The following MLLT10 variants were observed in gnomAD, a reference collection of about 807,000 sequenced individuals.
The protein encoded by MLLT10 is MLLT10 histone lysine methyltransferase DOT1L cofactor.
MLLT10 carries 30 observed loss-of-function variants against 129.1 expected under a neutral mutation model. The observed-to-expected ratio is 0.23, with a 90% CI of 0.17 to 0.32. MLLT10 has a LOEUF of 0.32. Ranked by LOEUF, MLLT10 falls within the 10% of genes least tolerant of loss-of-function variation. The pLI, the probability that MLLT10 is intolerant of heterozygous loss-of-function variation, is 1.00. For missense variants in MLLT10, 1,119 were observed against 1,268.3 expected, an observed-to-expected ratio of 0.88 and a Z score of 1.79; for synonymous variants, 490 against 446.4, an observed-to-expected ratio of 1.10 and a Z score of -1.23.
At chr10:21,660,085 T>C (rs2131344912) in intron 9 of MLLT10, among the ~76,000 whole-genome samples, 1 of 152,110 alleles carries the variant, frequency 6.6e-6, no homozygotes, top group East Asian at 2.0e-4. Flanking sequence ...CACCTCAGCC[T>C]CCTGATCAGC....
At chr10:21,653,693 G>C (rs1392902135) in intron 9 of MLLT10, among the ~76,000 whole-genome samples, 1 of 152,162 alleles carries the variant, frequency 6.6e-6, no homozygotes, top group African/African-American at 2.4e-5. Context: ...TCTTGGTTGA[G>C]GGGTGCTATC....
At chr10:21,577,409 A>G (rs1391269182) in intron 3 of MLLT10, among the ~76,000 whole-genome samples, 1 of 151,800 alleles carries the variant, frequency 6.6e-6, no homozygotes, top group Non-Finnish European at 1.5e-5. Context: ...TTTAATCTTG[A>G]AAAACTGACA....
chr10:21,673,301 T>TCGC, intron 10 of MLLT10, 49 bp from the exon 11 acceptor site: 1 of 237,940 alleles, frequency 4.2e-6, no homozygotes, highest in Non-Finnish European at 6.5e-6. Flanking sequence ...AATTTTTCTG[T>TCGC]CCCCCCCACC....
chr10:21,548,729 A>G (rs752115652), intron 3 of MLLT10, among the ~76,000 whole-genome samples: 3 of 152,036 alleles, frequency 2.0e-5, no homozygotes, highest in Non-Finnish European at 1.5e-5. Flanking sequence ...ATTTATGCTT[A>G]TTTTTAATTC....
chr10:21,534,902 C>G (rs2033555807), intron 2 of MLLT10, 98 bp downstream of exon 2: 1 of 893,918 alleles, frequency 1.1e-6, no homozygotes, highest in Non-Finnish European at 1.3e-6. Context: ...CGCCCCGTGC[C>G]GCGGCCGCGG....
intron 9 of MLLT10, among the ~76,000 whole-genome samples, chr10:21,652,531 A>G (rs1381251390): frequency 6.6e-6 from 1 of 152,230 alleles, no homozygotes; most frequent in Non-Finnish European, 1.5e-5. Context: ...ATTAAGTAGT[A>G]TTAGGATTAT....
chr10:21,562,256 C>G (rs1399222214), intron 3 of MLLT10, among the ~76,000 whole-genome samples: 3 of 151,544 alleles, frequency 2.0e-5, no homozygotes, highest in African/African-American at 7.3e-5. Flanking sequence ...TTTTTTATTT[C>G]TGCCAAAAAC....
intron 13 of MLLT10, among the ~76,000 whole-genome samples, chr10:21,704,104 G>C (rs2055224938): frequency 7.7e-6 from 1 of 129,454 alleles, no homozygotes; most frequent in Non-Finnish European, 1.6e-5. Flanking sequence ...CTGCCCCCTA[G>C]GTTCAAGTGA....
chr10:21,725,279 T>G (rs1198016235), intron 14 of MLLT10, among the ~76,000 whole-genome samples: 1 of 152,198 alleles, frequency 6.6e-6, no homozygotes, highest in Non-Finnish European at 1.5e-5. Flanking sequence ...GTCTTCCTGC[T>G]TTTATGTTTC....
At chr10:21,717,253 C>T (rs201586219) in intron 14 of MLLT10, among the ~76,000 whole-genome samples, 2 of 63,558 alleles carry the variant, frequency 3.1e-5, no homozygotes, top group Admixed American at 2.2e-4. Context: ...AACTCCGTCT[C>T]AAAAAAAAAA....
chr10:21,741,091 T>C (rs1175328610), intron 22 of MLLT10, among the ~76,000 whole-genome samples: 1 of 152,208 alleles, frequency 6.6e-6, no homozygotes, highest in Non-Finnish European at 1.5e-5. Flanking sequence ...GAAACTTTAG[T>C]TTGTACTTAG....
At chr10:21,673,019 T>G (rs924947674) in intron 10 of MLLT10, among the ~76,000 whole-genome samples, 2 of 152,106 alleles carry the variant, frequency 1.3e-5, no homozygotes. Flanking sequence ...ATACATGAGG[T>G]GTTTGGGGGA....
chr10:21,546,923 A>G (rs1018439183), intron 3 of MLLT10, among the ~76,000 whole-genome samples: 2 of 152,028 alleles, frequency 1.3e-5, no homozygotes, highest in Admixed American at 1.3e-4. Flanking sequence ...GGGTTTCTCC[A>G]TGTTGGTCAG....
In MLLT10 at chr10:21,743,300, A is replaced by C; in HGVS notation, c.*1317A>C. On this transcript the variant is annotated 3_prime_UTR_variant, in exon 23 of 23. Coordinates refer to ENST00000307729, the MANE Select transcript of MLLT10 (RefSeq NM_001195626.3). ...CACAGTTCTTACCTCATTTCTGTAA[A>C]TAAAGTTTTGTGAATCTGTTTTGTA... The C allele has an allele frequency of 4.5e-6, 1 of 224,332 alleles. No individual in the cohort carries two copies. The highest frequency in any genetic ancestry group is 8.9e-6 in the Non-Finnish European group (1 of 112,244). The allele number at this position is 224,332 out of a possible 1,614,324, so 13.9% of individuals were successfully genotyped here.
chr10:21,741,441 C>T (rs1833604371), intron 22 of MLLT10, among the ~76,000 whole-genome samples: 1 of 152,170 alleles, frequency 6.6e-6, no homozygotes, highest in African/African-American at 2.4e-5. Flanking sequence ...GTGCTGTTTG[C>T]TTAGTACCCT....
chr10:21,614,050 A>G (rs2044967135), intron 6 of MLLT10, among the ~76,000 whole-genome samples: 2 of 151,762 alleles, frequency 1.3e-5, no homozygotes, highest in Non-Finnish European at 2.9e-5. Flanking sequence ...CCTCATCTCT[A>G]CTAAAAATAA....
Position 21,708,587 on chromosome 10 carries a change from G to A in MLLT10, c.1700-5185G>A, listed in dbSNP as rs2055766783. ...TTGTGTGTGTGTTTTTTTTTTACCA[G>A]TAAACTGAGTACCAGATATTGTTTC... On this transcript the variant is annotated intron_variant, in intron 13 of 22. Transcript: ENST00000307729. 8.1e-6 allele frequency: 8 copies of A among 984,704 alleles called. No homozygotes were observed. In the South Asian group the frequency reaches 3.8e-4, roughly 46 times the overall value. The allele number at this position is 984,704 out of a possible 1,614,324, so 61.0% of individuals were successfully genotyped here. A position where few individuals can be genotyped will look rare whatever the true frequency, so the allele number is the denominator to read the frequency against.
chr10:21,668,730 GTGTTC>G (rs2051097841), intron 9 of MLLT10, among the ~76,000 whole-genome samples: 1 of 152,026 alleles, frequency 6.6e-6, no homozygotes, highest in South Asian at 2.1e-4. Flanking sequence ...TTGATCAAGG[GTGTTC>G]TGTTAAATAA....
chr10:21,543,774 C>G (rs532510540), intron 3 of MLLT10, among the ~76,000 whole-genome samples: 1 of 152,104 alleles, frequency 6.6e-6, no homozygotes, highest in Admixed American at 6.5e-5. Flanking sequence ...CCACTATGCC[C>G]GGTCTGTAGT....
Sources: gnomAD v4.1 joint callset for allele counts (sites outside exome capture counted in the v4.1 genomes callset) on GRCh38, gnomAD v4.1.1 for gene constraint, MANE v1.5 for transcripts, NCBI Gene and HGNC (gene_info 2026-07-23, HGNC 2026-07-21) for gene names.